TOM1L2: variants seen among roughly 807,000 people sequenced by gnomAD.
The protein encoded by TOM1L2 is target of myb1 like 2 membrane trafficking protein, also known as TOM1-like protein 2.
A neutral mutation model predicts 67.9 loss-of-function variants in TOM1L2; 31 were observed. That is an observed-to-expected ratio of 0.46 (90% confidence interval 0.34 to 0.62). The LOEUF (loss-of-function observed/expected upper bound fraction) is 0.62, where lower values mean the gene tolerates loss of function less well. Among genes scored for constraint, TOM1L2 ranks in the 20% least tolerant of loss-of-function variants. TOM1L2 has a pLI of 0.01. For synonymous variants in TOM1L2, 256 were observed against 254.0 expected (o/e 1.01, Z -0.07); for missense variants, 606 against 663.5 (o/e 0.91, Z 0.95).
At chr17:17,966,838 C>A (rs1023411493) in intron 1 of TOM1L2, among the ~76,000 whole-genome samples, 1 of 152,170 alleles carries the variant, frequency 6.6e-6, no homozygotes, top group Admixed American at 6.5e-5. Flanking sequence ...ATTATAAGTT[C>A]CTTCCAGTTA....
chr17:17,962,230 GC>G (rs201841501), intron 1 of TOM1L2, among the ~76,000 whole-genome samples: 1 of 111,682 alleles, frequency 9.0e-6, no homozygotes, highest in African/African-American at 3.6e-5. Flanking sequence ...AATGGTAGTT[GC>G]CAGGGGCTGG....
At chr17:17,961,047 T>G (rs2145014253) in intron 1 of TOM1L2, among the ~76,000 whole-genome samples, 1 of 152,254 alleles carries the variant, frequency 6.6e-6, no homozygotes, top group Non-Finnish European at 1.5e-5. Context: ...GATAAGAGAT[T>G]AATATTCAGA....
intron 4 of TOM1L2, among the ~76,000 whole-genome samples, chr17:17,885,393 T>C (rs150746086): frequency 8.5e-4 from 129 of 152,352 alleles, no homozygotes; most frequent in Non-Finnish European, 1.0e-3. Context: ...GAAGAGCCCA[T>C]TGGGAGCTAG....
chr17:17,869,114 G>T (rs776751795), intron 8 of TOM1L2: 1 of 748,654 alleles, frequency 1.3e-6, no homozygotes, highest in Non-Finnish European at 2.0e-6. Flanking sequence ...AAAGGGCAGA[G>T]CCTAATTCTG....
intron 7 of TOM1L2, among the ~76,000 whole-genome samples, chr17:17,876,993 A>G (rs1473510446): frequency 6.6e-6 from 1 of 152,228 alleles, no homozygotes; most frequent in African/African-American, 2.4e-5. Context: ...ATAGCTCAAG[A>G]GGAGGAGTTG....
At chr17:17,912,778 C>A (rs1048366511) in intron 1 of TOM1L2, among the ~76,000 whole-genome samples, 20 of 151,842 alleles carry the variant, frequency 1.3e-4, no homozygotes, top group African/African-American at 4.8e-4. Flanking sequence ...ACTTCCCAGA[C>A]GGGGTGGCGG....
rs2037909387 is a variant in TOM1L2 at position 17,884,788 on chromosome 17, G to A, written c.367-20C>T. 2 of 1,612,444 alleles carry A rather than the reference G, an allele frequency of 1.2e-6. No individual in the cohort carries two copies. The highest frequency in any genetic ancestry group is 1.7e-5 in the Admixed American group (1 of 59,984). On this transcript the variant is annotated intron_variant, in intron 4 of 14. Coordinates refer to ENST00000379504, the MANE Select transcript of TOM1L2 (RefSeq NM_001082968.2). ...CCATGCCTGGGATAATAGAAGGCCT[G>A]TTAGGAAGCATTTCTCAGAGCTGCC...
intron 6 of TOM1L2, among the ~76,000 whole-genome samples, chr17:17,880,690 G>A (rs1029349918): frequency 4.6e-5 from 7 of 152,152 alleles, no homozygotes; most frequent in Admixed American, 1.3e-4. Context: ...ATCCAGAGCC[G>A]GACCTGAGCC....
intron 1 of TOM1L2, among the ~76,000 whole-genome samples, chr17:17,911,384 A>G (rs77310955): frequency 0.015 from 2,240 of 152,276 alleles, 44 homozygotes; most frequent in African/African-American, 0.05. Flanking sequence ...GCATATCACC[A>G]GAGAGGTCAG....
chr17:17,869,496 G>A (rs754813363), intron 7 of TOM1L2, 23 bp from the exon 8 acceptor site: 2 of 1,576,414 alleles, frequency 1.3e-6, no homozygotes, highest in Non-Finnish European at 1.7e-6. Flanking sequence ...TGCACCTCTG[G>A]GTAGCCTGCT....
At chr17:17,903,486 G>A (rs1035930028) in intron 2 of TOM1L2, among the ~76,000 whole-genome samples, 15 of 151,996 alleles carry the variant, frequency 9.9e-5, no homozygotes, top group African/African-American at 2.2e-4. Flanking sequence ...GGTGGCGGGC[G>A]CCTGTAGTCC....
At chr17:17,962,707 C>T (rs535791693) in intron 1 of TOM1L2, among the ~76,000 whole-genome samples, 79 of 152,128 alleles carry the variant, frequency 5.2e-4, no homozygotes, top group Non-Finnish European at 1.1e-3. Flanking sequence ...CGCCTGTAAT[C>T]TCAGCACTTT....
chr17:17,880,220 C>G (rs1438257745), intron 6 of TOM1L2, among the ~76,000 whole-genome samples: 1 of 152,216 alleles, frequency 6.6e-6, no homozygotes, highest in Non-Finnish European at 1.5e-5. Context: ...TACATCTAAA[C>G]ACTAGGATCC....
At chr17:17,909,982 T>C (rs1046832097) in intron 1 of TOM1L2, among the ~76,000 whole-genome samples, 3 of 152,200 alleles carry the variant, frequency 2.0e-5, no homozygotes, top group African/African-American at 4.8e-5. Flanking sequence ...TGAGATATGA[T>C]TGAGCCACTG....
intron 1 of TOM1L2, among the ~76,000 whole-genome samples, chr17:17,964,596 A>G (rs2041810927): frequency 6.6e-6 from 1 of 152,020 alleles, no homozygotes; most frequent in African/African-American, 2.4e-5. Flanking sequence ...TCGTTTTGTA[A>G]AAAGCACAAT....
At chr17:17,889,051 C>T (rs1333093365) in intron 4 of TOM1L2, among the ~76,000 whole-genome samples, 2 of 152,152 alleles carry the variant, frequency 1.3e-5, no homozygotes, top group African/African-American at 2.4e-5. Context: ...CCAGGGAGAC[C>T]GGCTCCATCC....
chr17:17,867,841 T>G (rs2036942101), intron 8 of TOM1L2, among the ~76,000 whole-genome samples: 1 of 152,138 alleles, frequency 6.6e-6, no homozygotes, highest in East Asian at 1.9e-4. Flanking sequence ...ACTTGTGTGT[T>G]TTTTCAACAG....
intron 12 of TOM1L2, chr17:17,857,997 G>A (rs1314625975): frequency 1.4e-5 from 10 of 708,164 alleles, no homozygotes; most frequent in East Asian, 8.2e-5. Flanking sequence ...ACCCCAGCAC[G>A]TCCCCCTTAC....
chr17:17,856,057 G>A (rs551930578), intron 12 of TOM1L2, among the ~76,000 whole-genome samples: 5 of 152,326 alleles, frequency 3.3e-5, no homozygotes, highest in East Asian at 3.9e-4. Flanking sequence ...GGAGCTCTAC[G>A]TGGGACCTGG....
Sources: gnomAD v4.1 joint callset for allele counts (sites outside exome capture counted in the v4.1 genomes callset) on GRCh38, gnomAD v4.1.1 for gene constraint, MANE v1.5 for transcripts, NCBI Gene and HGNC (gene_info 2026-07-23, HGNC 2026-07-21) for gene names.